Variants in AFAP1L2 observed in about 807,000 individuals in gnomAD.
The protein encoded by AFAP1L2 is actin filament-associated protein 1-like 2.
AFAP1L2 carries 46 observed loss-of-function variants against 99.3 expected under a neutral mutation model. The observed-to-expected ratio is 0.46, with a 90% CI of 0.37 to 0.59. The LOEUF is 0.59. Among genes scored for constraint, AFAP1L2 ranks in the 20% least tolerant of loss-of-function variants. The pLI, the probability that AFAP1L2 is intolerant of heterozygous loss-of-function variation, is 0.00. For missense variants in AFAP1L2, 959 were observed against 1,034.9 expected, an observed-to-expected ratio of 0.93 and a Z score of 1.01; for synonymous variants, 397 against 419.1, an observed-to-expected ratio of 0.95 and a Z score of 0.64.
At chr10:114,360,517 A>ATAGATAGATAGATAGATAGATAGATAGT in intron 1 of AFAP1L2, among the ~76,000 whole-genome samples, 1 of 125,870 alleles carries the variant, frequency 7.9e-6, no homozygotes, top group East Asian at 2.3e-4. Flanking sequence ...AGTTAGATAG[A>ATAGATAGATAGATAGATAGATAGATAGT]TAGATAGATA....
At chr10:114,338,336 GACCGTCCCCA>G (rs2048298705) in intron 2 of AFAP1L2, among the ~76,000 whole-genome samples, 1 of 152,150 alleles carries the variant, frequency 6.6e-6, no homozygotes, top group African/African-American at 2.4e-5. Flanking sequence ...CACGGTCCCT[GACCGTCCCCA>G]AACAGCATTT....
chr10:114,289,107 G>C, the AFAP1L2 span: 4 of 1,614,146 alleles, frequency 2.5e-6, no homozygotes, highest in Non-Finnish European at 3.4e-6. Context: ...GCCAGGTGCA[G>C]ACTGCCTTCG....
rs750833479 is a variant in AFAP1L2 at position 114,340,656 on chromosome 10, A to C, written c.92T>G (p.Leu31Arg). 1 of 1,614,194 alleles carries C rather than the reference A, an allele frequency of 6.2e-7. No homozygotes were observed. Among genetic ancestry groups the C allele is most frequent in the Non-Finnish European group, 8.5e-7 (1 of 1,180,028 alleles). The part of the protein sequence containing the change: ...LDQENLSSTA[L>R]VKKSCLAELL... The stretch of plus-strand genomic sequence containing the variant: ...CTCCGCCAGGCAGCTCTTCTTCACC[A>C]GTGCTGTGCTGCTCAGGTTCTCCTG... The change falls in exon 2 of 19, where the codon CTG (leucine) becomes CGG (arginine). Residue 31 changes from leucine to arginine, a missense_variant. Around this residue, in one of 2 missense-constraint regions of AFAP1L2, gnomAD observed 383 missense variants for 472.8 expected, o/e 0.81. Coordinates refer to ENST00000304129, the MANE Select transcript of AFAP1L2 (RefSeq NM_001001936.3).
intron 11 of AFAP1L2, among the ~76,000 whole-genome samples, chr10:114,303,051 T>C (rs2041502007): frequency 6.6e-6 from 1 of 150,566 alleles, no homozygotes; most frequent in Non-Finnish European, 1.5e-5. Flanking sequence ...CCCAGTGAAT[T>C]TGGTATTTTT....
At position 114,314,163 on chromosome 10, in the gene AFAP1L2, C is replaced by G. The variant is rs930084277; in HGVS notation, c.613-113G>C. 8.5e-6 allele frequency: 9 copies of G among 1,057,808 alleles called. No homozygotes were observed. The African/African-American group carries it at 1.3e-4, about 15-fold the overall frequency. The allele number at this position is 1,057,808 out of a possible 1,614,324, so 65.5% of individuals were successfully genotyped here. A position where few individuals can be genotyped will look rare whatever the true frequency, so the allele number is the denominator to read the frequency against. ...GGACTCACCAAGAGCCTGACTTAAC[C>G]CAGCAAGACTAAGAGGCTGGACACC... On this transcript the variant is annotated intron_variant, in intron 6 of 18. Coordinates refer to ENST00000304129, the MANE Select transcript of AFAP1L2 (RefSeq NM_001001936.3).
chr10:114,354,285 C>A (rs2050976524), intron 1 of AFAP1L2, among the ~76,000 whole-genome samples: 1 of 152,194 alleles, frequency 6.6e-6, no homozygotes, highest in South Asian at 2.1e-4. Context: ...TTCTGAATGG[C>A]TGTCAAGCTT....
intron 1 of AFAP1L2, among the ~76,000 whole-genome samples, chr10:114,369,782 A>G (rs1480878850): frequency 6.6e-6 from 1 of 152,078 alleles, no homozygotes; most frequent in African/African-American, 2.4e-5. Context: ...TTAAAATATA[A>G]TATGTATACG....
chr10:114,320,992 A>G lies in AFAP1L2; in HGVS notation c.406+2179T>C, dbSNP rs118120408. Among the ~76,000 whole-genome samples the G allele has an allele frequency of 3.1e-3, 470 of 152,274 alleles. 2 individuals carry two copies. The highest frequency in any genetic ancestry group is 4.0e-3 in the Non-Finnish European group (273 of 68,018). ...GCTGCCCACAAAGCCAGCGTCTTAGAATAGACTCAGCCTAAACAGGCGCTC... is the reference window on the plus strand; with the variant it reads ...GCTGCCCACAAAGCCAGCGTCTTAGGATAGACTCAGCCTAAACAGGCGCTC... On this transcript the variant is annotated intron_variant, in intron 5 of 18. Transcript: ENST00000304129.
chr10:114,384,029 C>T (rs1436994306), intron 1 of AFAP1L2, among the ~76,000 whole-genome samples: 1 of 152,226 alleles, frequency 6.6e-6, no homozygotes, highest in African/African-American at 2.4e-5. Flanking sequence ...GTGCCCTTGT[C>T]CATCCAATGA....
chr10:114,368,862 G>A (rs1420351692), intron 1 of AFAP1L2, among the ~76,000 whole-genome samples: 3 of 150,926 alleles, frequency 2.0e-5, no homozygotes, highest in Non-Finnish European at 4.4e-5. Flanking sequence ...CTTGACATTG[G>A]TAATCAAGTC....
At chr10:114,375,626 C>T (rs1174501631) in intron 1 of AFAP1L2, among the ~76,000 whole-genome samples, 1 of 152,132 alleles carries the variant, frequency 6.6e-6, no homozygotes, top group Admixed American at 6.5e-5. Flanking sequence ...AAAAATCATT[C>T]TTAGCTTGAA....
In AFAP1L2 at chr10:114,308,423, A is replaced by G. The variant is rs2042741467; in HGVS notation, c.967+10T>C. 1.9e-6 allele frequency: 3 copies of G among 1,612,530 alleles called. No individual in the cohort carries two copies. Among genetic ancestry groups the G allele is most frequent in the South Asian group, 2.2e-5 (2 of 91,044 alleles). On this transcript the variant is annotated intron_variant, in intron 9 of 18. Coordinates refer to ENST00000304129, the MANE Select transcript of AFAP1L2 (RefSeq NM_001001936.3). Reference sequence around the variant, plus strand: ...GGGACACCATTCCCCTCCCAACCACATGATGTTACCGTCTTTGGTTTCTGG... The same window carrying G: ...GGGACACCATTCCCCTCCCAACCACGTGATGTTACCGTCTTTGGTTTCTGG...
At chr10:114,344,137 T>G (rs1183342656) in intron 1 of AFAP1L2, among the ~76,000 whole-genome samples, 1 of 152,214 alleles carries the variant, frequency 6.6e-6, no homozygotes, top group Admixed American at 6.5e-5. Flanking sequence ...TCTGCTAGGC[T>G]GGCCCACAGA....
the AFAP1L2 span, chr10:114,288,949 C>T: frequency 1.2e-6 from 2 of 1,607,936 alleles, no homozygotes; most frequent in Admixed American, 1.7e-5. Context: ...GTGCCGGACA[C>T]AAGCCCTGGA....
intron 12 of AFAP1L2, chr10:114,302,100 T>C (rs2041295285): frequency 1.9e-6 from 1 of 532,660 alleles, no homozygotes; most frequent in Non-Finnish European, 3.4e-6. Flanking sequence ...TAACTGCCTC[T>C]GAGGATGCCA....
At chr10:114,391,229 C>CTT (rs201570129) in intron 1 of AFAP1L2, among the ~76,000 whole-genome samples, 2 of 150,276 alleles carry the variant, frequency 1.3e-5, no homozygotes, top group African/African-American at 2.5e-5. Context: ...TTCTTTTTTT[C>CTT]TTTTTTTTTA....
At chr10:114,289,728 A>C in the AFAP1L2 span, 1 of 569,198 alleles carries the variant, frequency 1.8e-6, no homozygotes, top group Non-Finnish European at 3.1e-6. Flanking sequence ...CCCAAACTTG[A>C]GAATTTATGC....
the AFAP1L2 span, chr10:114,286,136 G>C: frequency 6.2e-7 from 1 of 1,614,130 alleles, no homozygotes; most frequent in East Asian, 2.2e-5. Context: ...GCCTGTGGGG[G>C]AGTACCAGGA....
At chr10:114,320,380 AG>A (rs1387674122) in intron 5 of AFAP1L2, among the ~76,000 whole-genome samples, 1 of 152,208 alleles carries the variant, frequency 6.6e-6, no homozygotes, top group Non-Finnish European at 1.5e-5. Flanking sequence ...AACTATAGCA[AG>A]GGGCTGGGGC....
Sources: allele counts gnomAD v4.1 joint callset (sites outside exome capture counted in the v4.1 genomes callset), GRCh38; gene constraint gnomAD v4.1.1; regional missense constraint gnomAD v4.1.1; transcripts MANE v1.5; gene names NCBI Gene and HGNC (gene_info 2026-07-23, HGNC 2026-07-21).